The following FBXO34 variants were observed in gnomAD, a reference collection of about 807,000 sequenced individuals.
FBXO34 encodes F-box only protein 34.
FBXO34 carries 12 observed loss-of-function variants against 24.5 expected under a neutral mutation model. The observed-to-expected ratio is 0.49, with a 90% confidence interval of 0.31 to 0.79. FBXO34 has a LOEUF of 0.79. Ranked by LOEUF, FBXO34 falls within the 30% of genes least tolerant of loss-of-function variation. The pLI is 0.04. For synonymous variants in FBXO34, 320 were observed against 311.9 expected, an observed-to-expected ratio of 1.03 and a Z score of -0.27; for missense variants, 823 against 857.7, an observed-to-expected ratio of 0.96 and a Z score of 0.51.
the FBXO34 span, chr14:55,380,731 C>T: frequency 7.6e-7 from 1 of 1,322,626 alleles, no homozygotes; most frequent in Non-Finnish European, 1.1e-6. Context: ...AACCTTAATT[C>T]CAACAAAACT....
At chr14:55,346,978 A>T (rs1314616695) in intron 1 of FBXO34, among the ~76,000 whole-genome samples, 1 of 152,126 alleles carries the variant, frequency 6.6e-6, no homozygotes, top group Non-Finnish European at 1.5e-5. Flanking sequence ...CATGACCTCT[A>T]AAGTCCCTTC....
intron 1 of FBXO34, chr14:55,299,027 A>G: frequency 1.2e-6 from 2 of 1,607,702 alleles, no homozygotes; most frequent in South Asian, 2.2e-5. Flanking sequence ...ACCAGCAAGA[A>G]CTTGGGGAGG....
Position 55,351,428 on chromosome 14 carries a change from A to G in FBXO34, c.1038A>G (p.Val346=). 1.2e-6 allele frequency: 2 copies of G among 1,614,212 alleles called. No homozygotes were observed. Among genetic ancestry groups the G allele is most frequent in the Admixed American group, 1.7e-5 (1 of 60,028 alleles). ...CTCAGGTGAATCCTGTGGGGTCTGT[A>G]TCTGTGGATTGTGGCCCTTCAAGAG... ...PDTQVNPVGS[V]SVDCGPSRAD... Residue 346 remains valine (V), a synonymous_variant, in exon 2 of 2, where the codon GTA becomes GTG. Coordinates refer to ENST00000313833, the MANE Select transcript of FBXO34 (RefSeq NM_017943.4).
At chr14:55,340,494 G>T (rs1258036368) in intron 1 of FBXO34, among the ~76,000 whole-genome samples, 1 of 151,204 alleles carries the variant, frequency 6.6e-6, no homozygotes, top group Non-Finnish European at 1.5e-5. Context: ...TGATCCTCCT[G>T]CCTTGGTATC....
At chr14:55,311,023 A>G (rs1271968293) in intron 1 of FBXO34, among the ~76,000 whole-genome samples, 1 of 152,192 alleles carries the variant, frequency 6.6e-6, no homozygotes. Context: ...AAAACAATAT[A>G]CTGCATGTTG....
At chr14:55,414,126 C>G in the FBXO34 span, 2 of 553,590 alleles carry the variant, frequency 3.6e-6, no homozygotes, top group African/African-American at 3.7e-5. Flanking sequence ...CATGATGCTA[C>G]AATATCATTC....
At chr14:55,425,008 A>G in the FBXO34 span, among the ~76,000 whole-genome samples, 1 of 152,214 alleles carries the variant, frequency 6.6e-6, no homozygotes, top group South Asian at 2.1e-4. Flanking sequence ...AATATAAGAA[A>G]AAAAGACATC....
chr14:55,424,989 T>C, the FBXO34 span, among the ~76,000 whole-genome samples: 3 of 152,068 alleles, frequency 2.0e-5, no homozygotes, highest in South Asian at 2.1e-4. Flanking sequence ...CAGTGGCTAA[T>C]GGACAAGAAA....
At chr14:55,386,586 G>C in the FBXO34 span, among the ~76,000 whole-genome samples, 1 of 152,204 alleles carries the variant, frequency 6.6e-6, no homozygotes, top group Non-Finnish European at 1.5e-5. Context: ...CAGCCCAAGA[G>C]CTCTGAAAAG....
chr14:55,429,822 T>C, the FBXO34 span, among the ~76,000 whole-genome samples: 564 of 119,222 alleles, frequency 4.7e-3, 2 homozygotes, highest in African/African-American at 0.01. Context: ...GACACATGCA[T>C]ACAAAAAAAA....
rs564743755 is a variant in FBXO34, at chr14:55,348,969, C to G, written c.-10-1412C>G. ...GAGATGTATGTGTTCAGCTGCTGTC[C>G]CAGTGAGCAAGAGTAGGTGAAACTT... is the stretch of plus-strand genomic sequence containing the variant. On this transcript the variant is annotated intron_variant, in intron 1 of 1. Transcript: ENST00000313833. Among the ~76,000 whole-genome samples, 757 of 152,162 alleles carry G rather than the reference C, an allele frequency of 5.0e-3. 8 individuals carry two copies. The highest frequency in any genetic ancestry group is 7.1e-3 in the Non-Finnish European group (484 of 68,012).
the FBXO34 span, chr14:55,377,942 A>G: frequency 4.4e-6 from 7 of 1,594,762 alleles, no homozygotes; most frequent in Admixed American, 1.8e-5. Context: ...ATTTTCAACT[A>G]TTTAACAAAG....
chr14:55,381,957 C>T, the FBXO34 span: 1 of 1,610,578 alleles, frequency 6.2e-7, no homozygotes, highest in Non-Finnish European at 8.5e-7. Flanking sequence ...TATGCTGCTT[C>T]TCACCAGGCC....
chr14:55,381,886 G>A, the FBXO34 span: 2 of 1,271,792 alleles, frequency 1.6e-6, no homozygotes, highest in Admixed American at 3.7e-5. Context: ...TCACTTGAAA[G>A]CTCTTCATTT....
intron 1 of FBXO34, chr14:55,282,515 C>A (rs1881588275): frequency 1.7e-5 from 4 of 236,096 alleles, no homozygotes; most frequent in Non-Finnish European, 3.5e-5. Flanking sequence ...ATGCCACATG[C>A]CAATCTTGTG....
At position 55,351,647 on chromosome 14, in the gene FBXO34, T is replaced by A; in HGVS notation, c.1257T>A (p.His419Gln). 1 of 1,614,188 alleles carries A rather than the reference T, an allele frequency of 6.2e-7. No individual in the cohort carries two copies. The highest frequency in any genetic ancestry group is 8.5e-7 in the Non-Finnish European group (1 of 1,180,020). The change falls in exon 2 of 2, where the codon CAT becomes CAA. Residue 419 changes from histidine (H) to glutamine (Q), a missense_variant. Coordinates refer to ENST00000313833, the MANE Select transcript of FBXO34 (RefSeq NM_017943.4). Reference protein sequence around the residue: ...DELVGLPFSSHTYSQASELPT... With the variant: ...DELVGLPFSSQTYSQASELPT... ...TCGTTGGGTTACCTTTTTCCTCTCA[T>A]ACCTATTCCCAAGCCTCTGAATTGC...
At chr14:55,315,201 T>C (rs1882887588) in intron 1 of FBXO34, among the ~76,000 whole-genome samples, 2 of 152,240 alleles carry the variant, frequency 1.3e-5, no homozygotes, top group South Asian at 2.1e-4. Context: ...TTATTACTTT[T>C]GGTTTTCCAT....
chr14:55,405,801 T>A, the FBXO34 span, among the ~76,000 whole-genome samples: 3 of 149,852 alleles, frequency 2.0e-5, no homozygotes, highest in Non-Finnish European at 3.0e-5. Context: ...CTTCATCCCT[T>A]AAGGAAGCAT....
chr14:55,310,584 C>G (rs1882701177), intron 1 of FBXO34, among the ~76,000 whole-genome samples: 1 of 152,118 alleles, frequency 6.6e-6, no homozygotes, highest in South Asian at 2.1e-4. Flanking sequence ...TTTAAGTGTA[C>G]AAGGAATCTT....
Sources: allele counts gnomAD v4.1 joint callset (sites outside exome capture counted in the v4.1 genomes callset), GRCh38; gene constraint gnomAD v4.1.1; transcripts MANE v1.5; gene names NCBI Gene and HGNC (gene_info 2026-07-23, HGNC 2026-07-21).